The following RNF43 variants were observed in gnomAD, a reference collection of about 807,000 sequenced individuals.
RNF43 encodes ring finger protein 43.
In RNF43, 37 loss-of-function variants were observed where a neutral mutation model predicts 78.4. The observed-to-expected ratio is 0.47, with a 90% CI of 0.36 to 0.62. The LOEUF (loss-of-function observed/expected upper bound fraction) is 0.62. Ranked by LOEUF, RNF43 falls within the 20% of genes least tolerant of loss-of-function variation. RNF43 has a pLI of 0.00. For missense variants in RNF43, 774 were observed against 1,007.9 expected (o/e 0.77, Z 3.14); for synonymous variants, 347 against 395.0 (o/e 0.88, Z 1.44).
At position 58,383,620 on chromosome 17, in the gene RNF43, GT is replaced by G. The variant is rs758027166; in HGVS notation, c.253-12588del. Among the ~76,000 whole-genome samples the G allele has an allele frequency of 3.3e-5, 5 of 152,082 alleles. No individual in the cohort carries two copies. In the East Asian group the frequency reaches 7.7e-4, roughly 23 times the overall value. On this transcript the variant is annotated intron_variant, in intron 2 of 9. Transcript: ENST00000407977. ...ACCCAGCTGAAGCCCAAGTTTTTTTGTTTTTTGCATTTTGGTGTTTTTTTCT... is the reference window on the plus strand; with the variant it reads ...ACCCAGCTGAAGCCCAAGTTTTTTTGTTTTTGCATTTTGGTGTTTTTTTCT...
rs1047740382 is a variant in RNF43 at position 58,360,622 on chromosome 17, T to C, written c.849+161A>G. ...CTCTTTCACTGGAAGGTCAGAAAAG[T>C]GACCAAACTTCAGGCTGGTCCCTGA... is the stretch of plus-strand genomic sequence containing the variant. On this transcript the variant is annotated intron_variant, in intron 7 of 9. Coordinates refer to ENST00000407977, the MANE Select transcript of RNF43 (RefSeq NM_017763.6). This position sits in a 1 kb window ranked among gnomAD's most constrained non-coding sequence, Gnocchi z 4.3. 6.6e-6 allele frequency among the ~76,000 whole-genome samples: 1 copy of C among 152,188 alleles called. No individual in the cohort carries two copies. Among genetic ancestry groups the C allele is most frequent in the Non-Finnish European group, 1.5e-5 (1 of 68,034 alleles).
At chr17:58,407,709 C>T (rs1171932534) in intron 2 of RNF43, among the ~76,000 whole-genome samples, 1 of 151,944 alleles carries the variant, frequency 6.6e-6, no homozygotes, top group Non-Finnish European at 1.5e-5. Context: ...AATTTAAGGG[C>T]CTAAAGAACA....
rs1972743268 is a variant in RNF43, at chr17:58,358,256, G to C, written c.1520C>G (p.Pro507Arg). 1 of 1,614,026 alleles carries C rather than the reference G, an allele frequency of 6.2e-7. No individual in the cohort carries two copies. The highest frequency in any genetic ancestry group is 8.5e-7 in the Non-Finnish European group (1 of 1,179,988). ...FCSSLSSDFDPLVYCSPKGDP... is the reference protein window; with the variant it reads ...FCSSLSSDFDRLVYCSPKGDP... ...CCCTTTAGGGCTGCAGTACACTAGG[G>C]GGTCAAAGTCACTGCTTAGGGAGCT... Residue 507 changes from proline to arginine, a missense_variant, in exon 9 of 10, where the codon CCC becomes CGC. Transcript: ENST00000407977. This position sits in a 1 kb window ranked among gnomAD's most constrained non-coding sequence, Gnocchi z 6.2.
intron 2 of RNF43, among the ~76,000 whole-genome samples, chr17:58,394,219 A>G (rs1337795798): frequency 6.6e-6 from 1 of 152,220 alleles, no homozygotes; most frequent in African/African-American, 2.4e-5. Flanking sequence ...GAAATGAAAG[A>G]AAGAATGTGA....
chr17:58,364,817 T>C lies in RNF43; in HGVS notation c.376-1217A>G, dbSNP rs544459293. On this transcript the variant is annotated intron_variant, in intron 3 of 9. Coordinates refer to ENST00000407977, the MANE Select transcript of RNF43 (RefSeq NM_017763.6). ...CTCACAGGCTCAGCACTTTGATCTC[T>C]GCCTGTCTTCCCAGGGAGAGCCTGT... Among the ~76,000 whole-genome samples, 206 of 152,356 alleles carry C rather than the reference T, an allele frequency of 1.4e-3. 1 individual carries two copies. The highest frequency in any genetic ancestry group is 4.1e-3 in the African/African-American group (169 of 41,592).
intron 2 of RNF43, among the ~76,000 whole-genome samples, chr17:58,391,202 G>A (rs951535511): frequency 2.6e-5 from 4 of 152,146 alleles, no homozygotes; most frequent in Non-Finnish European, 4.4e-5. Flanking sequence ...AAATAAAAAG[G>A]GTGAGGGATG....
Position 58,357,260 on chromosome 17 carries a change from A to T in RNF43, c.2308+208T>A, listed in dbSNP as rs1271568451. The T allele has an allele frequency of 1.3e-6, 1 of 746,228 alleles. No individual in the cohort carries two copies. Among genetic ancestry groups the T allele is most frequent in the African/African-American group, 1.7e-5 (1 of 58,074 alleles). 46.2% of individuals were successfully genotyped at this position (746,228 alleles called of 1,614,324 possible). On this transcript the variant is annotated intron_variant, in intron 9 of 9. Coordinates refer to ENST00000407977, the MANE Select transcript of RNF43 (RefSeq NM_017763.6). The surrounding 1 kb of genome is among the most constrained non-coding windows in gnomAD (Gnocchi z 4.5). ...CCTGGGACCTCCCTGTGATCTGCCA[A>T]CTAAAGGGGTAGCACCTGGCAGAGG...
At chr17:58,379,143 G>A (rs577169091) in intron 2 of RNF43, among the ~76,000 whole-genome samples, 3 of 152,234 alleles carry the variant, frequency 2.0e-5, no homozygotes, top group East Asian at 1.9e-4. Flanking sequence ...GGGTATGCAC[G>A]CTGGGGAGGC....
At chr17:58,359,318 C>G (rs1334630143) in intron 8 of RNF43, among the ~76,000 whole-genome samples, 1 of 152,072 alleles carries the variant, frequency 6.6e-6, no homozygotes, top group African/African-American at 2.4e-5. Flanking sequence ...TTATCTACGG[C>G]CGGGCGCGGT....
chr17:58,354,012 G>T lies in RNF43; in HGVS notation c.*931C>A, dbSNP rs990639433. Reference sequence around the variant, plus strand: ...CCTGGCCTGTATGGCTTATACTGGGGAGCTGGGCCTCTGGGCTGTCCAAAC... The same window carrying T: ...CCTGGCCTGTATGGCTTATACTGGGTAGCTGGGCCTCTGGGCTGTCCAAAC... On this transcript the variant is annotated 3_prime_UTR_variant, in exon 10 of 10. Coordinates refer to ENST00000407977, the MANE Select transcript of RNF43 (RefSeq NM_017763.6). The T allele has an allele frequency of 1.1e-5, 2 of 189,434 alleles. No homozygotes were observed. Among genetic ancestry groups the T allele is most frequent in the Non-Finnish European group, 2.2e-5 (2 of 89,926 alleles). The allele number at this position is 189,434 out of a possible 1,614,324, so 11.7% of individuals were successfully genotyped here. A position where few individuals can be genotyped will look rare whatever the true frequency, so the allele number is the denominator to read the frequency against.
chr17:58,369,073 A>G (rs2632514), intron 3 of RNF43, among the ~76,000 whole-genome samples: 20,963 of 151,756 alleles, frequency 0.14, 1,698 homozygotes, highest in Middle Eastern at 0.2. Flanking sequence ...TCTCATACAC[A>G]CACACACACA....
intron 2 of RNF43, among the ~76,000 whole-genome samples, chr17:58,381,248 G>A (rs111986651): frequency 6.6e-6 from 1 of 152,190 alleles, no homozygotes; most frequent in Admixed American, 6.5e-5. Context: ...GAAGCCATTG[G>A]GGGGTTGACA....
intron 3 of RNF43, among the ~76,000 whole-genome samples, chr17:58,364,689 C>T (rs1473847761): frequency 2.0e-5 from 3 of 152,190 alleles, no homozygotes; most frequent in Admixed American, 1.3e-4. Context: ...TGGGCACCGC[C>T]CCCCCTCACC....
intron 2 of RNF43, among the ~76,000 whole-genome samples, chr17:58,394,555 C>T (rs1973633506): frequency 6.6e-6 from 1 of 152,204 alleles, no homozygotes. Context: ...TTGAACAATC[C>T]TCACACAGCG....
intron 3 of RNF43, among the ~76,000 whole-genome samples, chr17:58,365,867 G>T (rs1292333897): frequency 6.6e-6 from 1 of 152,216 alleles, no homozygotes; most frequent in Non-Finnish European, 1.5e-5. Context: ...AGCCCTAGGG[G>T]CAGCAGGCAA....
chr17:58,410,131 TTACAAATTTTTGTTGGA>T (rs759033407), intron 2 of RNF43, among the ~76,000 whole-genome samples: 2 of 151,616 alleles, frequency 1.3e-5, no homozygotes. Flanking sequence ...GAAGCTGAAC[TTACAAATTTTTGTTGGA>T]TACAAATTTT....
Position 58,372,326 on chromosome 17 carries a change from G to A in RNF43, c.253-1293C>T, listed in dbSNP as rs555161989. On this transcript the variant is annotated intron_variant, in intron 2 of 9. Transcript: ENST00000407977. ...TTTGAATCAAAATCTCTGGGCAGGG[G>A]GTGTTGAGATAGGAAGGAGTTCCAT... Among the ~76,000 whole-genome samples, 5 of 152,256 alleles carry A rather than the reference G, an allele frequency of 3.3e-5. No homozygotes were observed. In the East Asian group the frequency reaches 9.7e-4, roughly 29 times the overall value.
intron 9 of RNF43, 132 bp from the exon 10 acceptor site, chr17:58,355,118 G>T: frequency 1.2e-6 from 1 of 841,058 alleles, no homozygotes; most frequent in Non-Finnish European, 2.0e-6. Flanking sequence ...GGAAAGGGTG[G>T]TTAGATTGAA....
chr17:58,387,661 A>C (rs1973466660), intron 2 of RNF43, among the ~76,000 whole-genome samples: 1 of 144,868 alleles, frequency 6.9e-6, no homozygotes, highest in Non-Finnish European at 1.5e-5. Flanking sequence ...CTCCATCTTC[A>C]AAAAAAAAAC....
Sources: allele counts gnomAD v4.1 joint callset (sites outside exome capture counted in the v4.1 genomes callset), GRCh38; gene constraint gnomAD v4.1.1; non-coding constraint Gnocchi (gnomAD v3.1); transcripts MANE v1.5; gene names NCBI Gene and HGNC (gene_info 2026-07-23, HGNC 2026-07-21).